OPRM1: variants seen among roughly 807,000 people sequenced by gnomAD.
OPRM1 encodes mu-type opioid receptor.
A neutral mutation model predicts 31.8 loss-of-function variants in OPRM1; 27 were observed. The observed-to-expected ratio is 0.85, with a 90% CI of 0.63 to 1.17. OPRM1 has a LOEUF of 1.17. Ranked by LOEUF, OPRM1 falls within the 50% of genes most tolerant of loss-of-function variation. The probability of loss-of-function intolerance (pLI) is 0.00; values close to 1 mark genes in which losing one functional copy is unlikely to be tolerated. For synonymous variants in OPRM1, 196 were observed against 189.9 expected, an observed-to-expected ratio of 1.03 and a Z score of -0.26; for missense variants, 536 against 511.1, an observed-to-expected ratio of 1.05 and a Z score of -0.47.
intron 3 of OPRM1, among the ~76,000 whole-genome samples, chr6:154,234,667 C>T (rs1434716004): frequency 6.6e-6 from 1 of 152,148 alleles, no homozygotes; most frequent in Non-Finnish European, 1.5e-5. Context: ...TTGTAAGTCA[C>T]CTCTTCTAGC....
chr6:154,039,075 T>C, upstream of OPRM1: 1 of 1,428,894 alleles, frequency 7.0e-7, no homozygotes, highest in South Asian at 1.4e-5. Flanking sequence ...AATTGAGTGA[T>C]GTTAGCCCCC....
rs1470138923 is a variant in OPRM1, at chr6:154,093,382, A to G, written c.1164+1910A>G. On this transcript the variant is annotated intron_variant, in intron 3 of 3. Transcript: ENST00000330432. ...AGATATGACCTCCCAGCTATCCTTC[A>G]CTCGTCCTGCCTTCGTGGAAATACT... The G allele has an allele frequency of 1.9e-6, 3 of 1,613,172 alleles. No individual in the cohort carries two copies. In the Admixed American group the frequency reaches 5.0e-5, roughly 27 times the overall value.
intron 3 of OPRM1, chr6:154,107,677 TA>T: frequency 2.8e-6 from 2 of 718,556 alleles, no homozygotes; most frequent in African/African-American, 1.7e-5. Context: ...CAAGAGAAGG[TA>T]CTGCCGTGTG....
rs181104030 is a variant in OPRM1 at position 154,236,978 on chromosome 6, A to G, written c.1165-9715A>G. Among the ~76,000 whole-genome samples, 662 of 152,264 alleles carry G rather than the reference A, an allele frequency of 4.3e-3. 6 individuals are homozygous for G. The highest frequency in any genetic ancestry group is 0.015 in the African/African-American group (637 of 41,544). On this transcript the variant is annotated intron_variant, in intron 3 of 3. Coordinates refer to the OPRM1 transcript ENST00000337049. ...ATTCTGACTCCTTACAGAAATATTC[A>G]ATATTTGTTTAAACTTTCCTCTCTA...
intron 1 of OPRM1, among the ~76,000 whole-genome samples, chr6:154,023,071 G>A (rs1295881533): frequency 2.0e-5 from 3 of 152,048 alleles, no homozygotes; most frequent in Non-Finnish European, 4.4e-5. Flanking sequence ...GGACGATTTT[G>A]TCTCTTTCTG....
intron 1 of OPRM1, chr6:154,011,102 T>G (rs1384298451): frequency 4.2e-6 from 5 of 1,181,768 alleles, no homozygotes; most frequent in Non-Finnish European, 5.6e-6. Flanking sequence ...TGCTTGACAC[T>G]CATCTCTTAA....
At chr6:154,137,845 C>T (rs944380090) in intron 3 of OPRM1, among the ~76,000 whole-genome samples, 10 of 152,174 alleles carry the variant, frequency 6.6e-5, no homozygotes, top group African/African-American at 2.4e-4. Flanking sequence ...GAAGAATTTG[C>T]ATGAGCCAGA....
exon 1 of OPRM1, chr6:154,010,701 C>T: frequency 1.4e-6 from 2 of 1,439,772 alleles, no homozygotes; most frequent in South Asian, 1.5e-5. Flanking sequence ...GTCAGACAGG[C>T]TTCTGGATTC....
chr6:154,038,209 T>A (rs941874051), upstream of OPRM1, among the ~76,000 whole-genome samples: 4 of 152,148 alleles, frequency 2.6e-5, no homozygotes, highest in African/African-American at 9.6e-5. Context: ...TTGCAGTGAA[T>A]TTTTCAAGAC....
At chr6:154,205,343 T>A (rs905530428) in intron 3 of OPRM1, among the ~76,000 whole-genome samples, 3 of 152,108 alleles carry the variant, frequency 2.0e-5, no homozygotes, top group African/African-American at 7.2e-5. Context: ...GCCTGTAATC[T>A]CAGCACTTTG....
chr6:154,055,005 A>G (rs1782956283), intron 1 of OPRM1, among the ~76,000 whole-genome samples: 1 of 152,236 alleles, frequency 6.6e-6, no homozygotes, highest in Non-Finnish European at 1.5e-5. Flanking sequence ...TTAATAAAGG[A>G]AAAATAGCCA....
chr6:154,017,831 G>C (rs1034964281), intron 1 of OPRM1, among the ~76,000 whole-genome samples: 1 of 152,110 alleles, frequency 6.6e-6, no homozygotes, highest in African/African-American at 2.4e-5. Flanking sequence ...AGTCAAATAA[G>C]ACCATTTAAG....
intron 1 of OPRM1, among the ~76,000 whole-genome samples, chr6:154,070,504 C>CCTGGCATT (rs1786458963): frequency 6.6e-6 from 1 of 152,196 alleles, no homozygotes; most frequent in Non-Finnish European, 1.5e-5. Context: ...TAAGAAAAAT[C>CCTGGCATT]CAAGTAAACT....
At chr6:154,194,254 C>T (rs1244488050) in intron 3 of OPRM1, among the ~76,000 whole-genome samples, 1 of 152,086 alleles carries the variant, frequency 6.6e-6, no homozygotes, top group Non-Finnish European at 1.5e-5. Flanking sequence ...ACAAAATTAG[C>T]CAGGCGTGGT....
In OPRM1 at chr6:154,119,803, G is replaced by C. The variant is rs1413912991; in HGVS notation, c.*1082G>C. ...GTCATCTATTTTTCAATCCTGTGTA[G>C]TTACTTGGATGTGAAATATTAACAA... On this transcript the variant is annotated 3_prime_UTR_variant, in exon 4 of 4. Coordinates refer to ENST00000330432, the MANE Select transcript of OPRM1 (RefSeq NM_000914.5). 1.3e-5 allele frequency among the ~76,000 whole-genome samples: 2 copies of C among 152,156 alleles called. No individual in the cohort carries two copies. Among genetic ancestry groups the C allele is most frequent in the African/African-American group, 4.8e-5 (2 of 41,440 alleles).
rs11301836 is a variant in OPRM1 at position 154,131,942 on chromosome 6, GT to G, written c.*13236del. On this transcript the variant is annotated 3_prime_UTR_variant, in exon 4 of 4. Coordinates refer to ENST00000330432, the MANE Select transcript of OPRM1 (RefSeq NM_000914.5). ...CTGGGAGTTTTTCTATAAGTTTTTG[GT>G]TTTTTTTTTTTTTTCTCTTCATTAG... is the stretch of plus-strand genomic sequence containing the variant. 0.51 allele frequency among the ~76,000 whole-genome samples: 70,284 copies of G among 137,150 alleles called. 17,066 individuals carry two copies. Among genetic ancestry groups the G allele is most frequent in the East Asian group, 0.77 (3,557 of 4,646 alleles). 90.0% of individuals were successfully genotyped at this position (137,150 alleles called of 152,430 possible).
chr6:154,091,639 T>TTC (rs1191561275), intron 3 of OPRM1, 167 bp downstream of exon 3: 2 of 1,418,128 alleles, frequency 1.4e-6, no homozygotes, highest in African/African-American at 2.9e-5. Context: ...ATAAACTGTG[T>TTC]TCTTTATATT....
In OPRM1 at chr6:154,099,511, GA is replaced by G. The variant is rs1474999894; in HGVS notation, c.1164+8042del. On this transcript the variant is annotated intron_variant, in intron 3 of 3. Coordinates refer to ENST00000330432, the MANE Select transcript of OPRM1 (RefSeq NM_000914.5). ...GAAGGAAAGAAAAAGAAAGAGGAAG[GA>G]AAGAATGAGAGAAAGAGGAAAGAGA... is the stretch of plus-strand genomic sequence containing the variant. 1.4e-4 allele frequency among the ~76,000 whole-genome samples: 21 copies of G among 150,122 alleles called. No individual in the cohort carries two copies. In the Middle Eastern group the frequency reaches 0.01, roughly 73 times the overall value.
At position 154,107,789 on chromosome 6, in the gene OPRM1, G is replaced by A. The variant is rs547145262; in HGVS notation, c.1165-10894G>A. The A allele has an allele frequency of 1.8e-5, 13 of 718,332 alleles. No individual in the cohort carries two copies. The highest frequency in any genetic ancestry group is 5.4e-5 in the East Asian group (2 of 37,282). 44.5% of individuals were successfully genotyped at this position (718,332 alleles called of 1,614,324 possible). ...TTGTTGCTGACCAACTTGCCGGGTC[G>A]TCTTGAAAAGGGGGCTTACAGGTGT... On this transcript the variant is annotated intron_variant, in intron 3 of 3. Coordinates refer to ENST00000330432, the MANE Select transcript of OPRM1 (RefSeq NM_000914.5).
Sources: gnomAD v4.1 joint callset for allele counts (sites outside exome capture counted in the v4.1 genomes callset) on GRCh38, gnomAD v4.1.1 for gene constraint, MANE v1.5 for transcripts, NCBI Gene and HGNC (gene_info 2026-07-23, HGNC 2026-07-21) for gene names.